Variants in DUSP29 observed in about 807,000 individuals in gnomAD.
The protein encoded by DUSP29 is atypical dual-specific protein phosphatase.
DUSP29 carries 12 observed loss-of-function variants against 13.5 expected under a neutral mutation model. The ratio of observed to expected loss-of-function variants is 0.89; its 90% confidence interval spans 0.57 to 1.44. DUSP29 has a LOEUF of 1.44. DUSP29 is among the 40% of genes most tolerant of loss of function. The probability of loss-of-function intolerance (pLI) is 0.00; values close to 1 mark genes in which losing one functional copy is unlikely to be tolerated. For missense variants in DUSP29, 308 were observed against 301.1 expected (o/e 1.02, Z -0.17); for synonymous variants, 134 against 128.7 (o/e 1.04, Z -0.28).
chr10:75,040,703 T>C (rs143170306), intron 3 of DUSP29, among the ~76,000 whole-genome samples: 193 of 152,348 alleles, frequency 1.3e-3, no homozygotes, highest in African/African-American at 4.2e-3. Context: ...GCAGGTGTCC[T>C]GATGGCGCTG....
At chr10:75,052,308 T>C (rs997710200) in intron 2 of DUSP29, among the ~76,000 whole-genome samples, 14 of 149,204 alleles carry the variant, frequency 9.4e-5, no homozygotes, top group Admixed American at 8.6e-4. Context: ...TACTTTTTTT[T>C]TTTTTTTTTT....
chr10:75,068,947 CAT>C (rs1277723448), intron 1 of DUSP29, among the ~76,000 whole-genome samples: 1 of 151,692 alleles, frequency 6.6e-6, no homozygotes, highest in Admixed American at 6.6e-5. Flanking sequence ...ATGTATCAGA[CAT>C]ATTCCAAGTT....
intron 1 of DUSP29, among the ~76,000 whole-genome samples, chr10:75,072,576 C>T (rs1847354063): frequency 6.6e-6 from 1 of 152,012 alleles, no homozygotes; most frequent in South Asian, 2.1e-4. Context: ...TCGGATTTGT[C>T]GGTGGGACCA....
chr10:75,063,691 G>A (rs774330304), intron 1 of DUSP29, among the ~76,000 whole-genome samples: 7 of 151,828 alleles, frequency 4.6e-5, no homozygotes, highest in Non-Finnish European at 7.4e-5. Flanking sequence ...ATGCCACACC[G>A]TGCTCCCGGG....
intron 1 of DUSP29, among the ~76,000 whole-genome samples, chr10:75,060,017 G>A (rs947809360): frequency 1.3e-5 from 2 of 151,960 alleles, no homozygotes; most frequent in African/African-American, 4.8e-5. Flanking sequence ...AAAATTAGCC[G>A]GGTGTAGTGG....
At chr10:75,046,735 C>T (rs112343821) in intron 2 of DUSP29, among the ~76,000 whole-genome samples, 65 of 152,340 alleles carry the variant, frequency 4.3e-4, no homozygotes, top group African/African-American at 1.4e-3. Context: ...GAAAGGTCTG[C>T]TTTTCATTTT....
At chr10:75,070,388 A>G (rs1460748667) in intron 1 of DUSP29, among the ~76,000 whole-genome samples, 2 of 152,178 alleles carry the variant, frequency 1.3e-5, no homozygotes, top group Admixed American at 1.3e-4. Context: ...TGGAGCACAC[A>G]GTCATGTAAA....
In DUSP29 at chr10:75,061,651, C is replaced by T. The variant is rs188826609; in HGVS notation, c.-34-3103G>A. ...AGTCAAGGGAAAGGTAGTGAGGGTG[C>T]TCATTCAAAATGCCTCCCGCTGTCC... is the stretch of plus-strand genomic sequence containing the variant. On this transcript the variant is annotated intron_variant, in intron 1 of 3. Coordinates refer to ENST00000338487, the MANE Select transcript of DUSP29 (RefSeq NM_001003892.3). Among the ~76,000 whole-genome samples the T allele has an allele frequency of 2.1e-3, 326 of 152,300 alleles. 3 individuals carry two copies. The highest frequency in any genetic ancestry group is 7.6e-3 in the African/African-American group (316 of 41,564).
chr10:75,048,542 C>T (rs930336155), intron 2 of DUSP29, among the ~76,000 whole-genome samples: 2 of 152,050 alleles, frequency 1.3e-5, no homozygotes, highest in Middle Eastern at 3.4e-3. Flanking sequence ...TGAGATTACA[C>T]GTGTGTGCCA....
Position 75,038,097 on chromosome 10 carries a change from G to T in DUSP29, c.422-20C>A. ...TCTTACCTGCAGATGGAGCAGGGAG[G>T]AGAAAACCCACACTGAGGGGCAGGT... On this transcript the variant is annotated intron_variant, in intron 3 of 3. Coordinates refer to ENST00000338487, the MANE Select transcript of DUSP29 (RefSeq NM_001003892.3). The T allele has an allele frequency of 6.2e-7, 1 of 1,604,480 alleles. No homozygotes were observed. The highest frequency in any genetic ancestry group is 1.1e-5 in the South Asian group (1 of 90,460).
rs146579934 is a variant in DUSP29, at chr10:75,037,935, G to C, written c.564C>G (p.Gly188=). 6 of 1,613,812 alleles carry C rather than the reference G, an allele frequency of 3.7e-6. No homozygotes were observed. The highest frequency in any genetic ancestry group is 5.1e-6 in the Non-Finnish European group (6 of 1,180,048). Residue 188 remains glycine (G), a synonymous_variant, in exon 4 of 4, where the codon GGC becomes GGG. Coordinates refer to ENST00000338487, the MANE Select transcript of DUSP29 (RefSeq NM_001003892.3). ...AKNRCVLPNR[G]FLKQLRELDK... ...CCAGCTCCCGGAGCTGCTTCAAAAA[G>C]CCCCGGTTCGGGAGGACGCAGCGGT...
At chr10:75,040,133 G>A (rs903488260) in intron 3 of DUSP29, among the ~76,000 whole-genome samples, 6 of 152,052 alleles carry the variant, frequency 3.9e-5, no homozygotes, top group African/African-American at 7.2e-5. Context: ...TGGAGATCAC[G>A]CCACTGCACT....
intron 2 of DUSP29, among the ~76,000 whole-genome samples, chr10:75,056,481 T>G (rs1466074047): frequency 6.6e-6 from 1 of 151,254 alleles, no homozygotes; most frequent in Non-Finnish European, 1.5e-5. Flanking sequence ...TGAGCCGAGA[T>G]TGCGCCATTG....
chr10:75,044,241 G>A (rs1467598955), intron 2 of DUSP29, among the ~76,000 whole-genome samples: 1 of 152,146 alleles, frequency 6.6e-6, no homozygotes, highest in Non-Finnish European at 1.5e-5. Flanking sequence ...TGGAGGCTGG[G>A]GTAGGCAAGC....
At chr10:75,044,566 T>C (rs1447760925) in intron 2 of DUSP29, among the ~76,000 whole-genome samples, 1 of 152,200 alleles carries the variant, frequency 6.6e-6, no homozygotes, top group Non-Finnish European at 1.5e-5. Context: ...GGGGAGCTGT[T>C]GCCCAGCTGG....
chr10:75,066,958 C>CTTTTTTTTTTTTTTTT (rs61298475), intron 1 of DUSP29, among the ~76,000 whole-genome samples: 3 of 139,586 alleles, frequency 2.1e-5, no homozygotes, highest in African/African-American at 5.4e-5. Flanking sequence ...TTTTCTTTTT[C>CTTTTTTTTTTTTTTTT]TTTTTTTTTT....
intron 2 of DUSP29, among the ~76,000 whole-genome samples, chr10:75,053,593 C>T (rs1404176966): frequency 6.6e-6 from 1 of 152,230 alleles, no homozygotes; most frequent in African/African-American, 2.4e-5. Flanking sequence ...TCCTTCCCCT[C>T]TAGTACTCAC....
intron 3 of DUSP29, among the ~76,000 whole-genome samples, chr10:75,043,121 G>T (rs191567893): frequency 5.4e-4 from 82 of 152,380 alleles, no homozygotes; most frequent in Admixed American, 8.5e-4. Context: ...GACGCTGGGG[G>T]TGCAAAACCC....
intron 1 of DUSP29, among the ~76,000 whole-genome samples, chr10:75,065,413 G>A (rs1847179636): frequency 6.6e-6 from 1 of 151,342 alleles, no homozygotes; most frequent in Non-Finnish European, 1.5e-5. Context: ...CACCCAGGCT[G>A]GAGCTCACGG....
Sources: gnomAD v4.1 joint callset for allele counts (sites outside exome capture counted in the v4.1 genomes callset) on GRCh38, gnomAD v4.1.1 for gene constraint, MANE v1.5 for transcripts, NCBI Gene and HGNC (gene_info 2026-07-23, HGNC 2026-07-21) for gene names.